The following ACOX3 variants were observed in gnomAD, a reference collection of about 807,000 sequenced individuals.
ACOX3 encodes acyl-CoA oxidase 3, pristanoyl, also known as peroxisomal acyl-coenzyme A oxidase 3.
Under a neutral mutation model 81.5 loss-of-function variants are expected in ACOX3, and 73 were observed. That is an observed-to-expected ratio of 0.90 (90% CI 0.74 to 1.09). The LOEUF (loss-of-function observed/expected upper bound fraction) is 1.09. ACOX3 is among the 50% of genes least tolerant of loss of function. The pLI is 0.00. For missense variants in ACOX3, 947 were observed against 928.0 expected (o/e 1.02, Z -0.27); for synonymous variants, 387 against 375.1 (o/e 1.03, Z -0.37).
chr4:8,377,124 C>T (rs1008801731), intron 14 of ACOX3, among the ~76,000 whole-genome samples: 14 of 152,302 alleles, frequency 9.2e-5, no homozygotes, highest in East Asian at 3.9e-4. Flanking sequence ...CACCCCAAAA[C>T]GTGCTCCCAC....
intron 5 of ACOX3, among the ~76,000 whole-genome samples, chr4:8,411,675 C>T (rs1721743420): frequency 6.6e-6 from 1 of 152,268 alleles, no homozygotes; most frequent in Non-Finnish European, 1.5e-5. Context: ...ACTGTCTCGA[C>T]TGTCTGGCTG....
chr4:8,369,464 C>T (rs529830535), intron 17 of ACOX3, among the ~76,000 whole-genome samples: 9 of 152,332 alleles, frequency 5.9e-5, no homozygotes, highest in African/African-American at 9.6e-5. Flanking sequence ...CTCTCAGCGG[C>T]AGTCATCATC....
chr4:8,410,118 C>T, intron 6 of ACOX3, 94 bp downstream of exon 6: 1 of 1,465,970 alleles, frequency 6.8e-7, no homozygotes, highest in South Asian at 1.3e-5. Context: ...CAGAAGCATG[C>T]CCCACCCTTG....
At position 8,366,786 on chromosome 4, in the gene ACOX3, G is replaced by T; in HGVS notation, c.*175C>A. 2 of 757,290 alleles carry T rather than the reference G, an allele frequency of 2.6e-6. No homozygotes were observed. Among genetic ancestry groups the T allele is most frequent in the South Asian group, 2.1e-5 (1 of 48,092 alleles). The allele number at this position is 757,290 out of a possible 1,614,324, so 46.9% of individuals were successfully genotyped here. ...CGATCCCAGATTAGTCCAGCCGGCC[G>T]GGTGCCTCCCTCCCGTCCGCCTGGG... On this transcript the variant is annotated 3_prime_UTR_variant, in exon 18 of 18. Transcript: ENST00000356406.
At chr4:8,375,186 G>C (rs1233906189) in intron 14 of ACOX3, 34 bp from the exon 15 acceptor site, 3 of 1,505,242 alleles carry the variant, frequency 2.0e-6, no homozygotes, top group Admixed American at 2.2e-5. Flanking sequence ...AGGACCGTGA[G>C]GGTCCCAGCC....
chr4:8,388,439 G>A (rs573463966), intron 13 of ACOX3, among the ~76,000 whole-genome samples: 5 of 152,372 alleles, frequency 3.3e-5, no homozygotes, highest in African/African-American at 4.8e-5. Context: ...GCTGCTCTCC[G>A]GAGAGGGATC....
At chr4:8,365,858 C>G (rs145506114), downstream of ACOX3, among the ~76,000 whole-genome samples, 1 of 152,138 alleles carries the variant, frequency 6.6e-6, no homozygotes, top group Non-Finnish European at 1.5e-5. Flanking sequence ...GCCCTTCAGA[C>G]GCTCAAAAGT....
intron 1 of ACOX3, 54 bp downstream of exon 1, chr4:8,440,594 T>C (rs1724566839): frequency 4.0e-6 from 2 of 498,960 alleles, no homozygotes; most frequent in Non-Finnish European, 6.7e-6. Context: ...TCTGTAACTA[T>C]ACCACGCCCA....
At chr4:8,402,993 T>G (rs940106673) in intron 7 of ACOX3, among the ~76,000 whole-genome samples, 6 of 152,132 alleles carry the variant, frequency 3.9e-5, no homozygotes, top group African/African-American at 1.4e-4. Flanking sequence ...AGCCACCGCC[T>G]CAGCTCAGGG....
At chr4:8,426,878 A>G (rs1424979632) in intron 1 of ACOX3, among the ~76,000 whole-genome samples, 1 of 152,148 alleles carries the variant, frequency 6.6e-6, no homozygotes, top group Admixed American at 6.5e-5. Context: ...CCATGCTCCG[A>G]TGTTGATGAC....
In ACOX3 at chr4:8,400,078, C is replaced by T. The variant is rs1720203516; in HGVS notation, c.777-426G>A. On this transcript the variant is annotated intron_variant, in intron 7 of 17. Coordinates refer to ENST00000356406, the MANE Select transcript of ACOX3 (RefSeq NM_003501.3). This position sits in a 1 kb window ranked among gnomAD's most constrained non-coding sequence, Gnocchi z 4.4. ...CCTGACCAATATGGTGAAACCCCGTCTCTACTAAAAATACAAAAAAAAATT... is the reference window on the plus strand; with the variant it reads ...CCTGACCAATATGGTGAAACCCCGTTTCTACTAAAAATACAAAAAAAAATT... 1.3e-5 allele frequency among the ~76,000 whole-genome samples: 2 copies of T among 152,162 alleles called. No homozygotes were observed. Among genetic ancestry groups the T allele is most frequent in the South Asian group, 2.1e-4 (1 of 4,814 alleles).
Position 8,386,036 on chromosome 4 carries a change from G to A in ACOX3, c.1537+3137C>T, listed in dbSNP as rs1405748769. On this transcript the variant is annotated intron_variant, in intron 13 of 17. Transcript: ENST00000356406. This position sits in a 1 kb window ranked among gnomAD's most constrained non-coding sequence, Gnocchi z 5.2. ...CAGTTGCAGAAAAGCAGATGACTTT[G>A]GTGTCTTTCCTGATGATGGAGAGAC... Among the ~76,000 whole-genome samples the A allele has an allele frequency of 6.6e-6, 1 of 152,194 alleles. No individual in the cohort carries two copies. The highest frequency in any genetic ancestry group is 1.5e-5 in the Non-Finnish European group (1 of 68,042).
intron 5 of ACOX3, among the ~76,000 whole-genome samples, chr4:8,411,971 C>T (rs1315736032): frequency 6.6e-6 from 1 of 152,210 alleles, no homozygotes; most frequent in Non-Finnish European, 1.5e-5. Context: ...ACTCTGACCT[C>T]CACTTAGGGA....
In ACOX3 at chr4:8,384,429, C is replaced by G. The variant is rs1718050853; in HGVS notation, c.1538-2822G>C. Reference sequence around the variant, plus strand: ...AACAAACTAGGCAGGAAAACGGGCACTGACGGGCAGTGAATTCTCTTGCTC... The same window carrying G: ...AACAAACTAGGCAGGAAAACGGGCAGTGACGGGCAGTGAATTCTCTTGCTC... On this transcript the variant is annotated intron_variant, in intron 13 of 17. Coordinates refer to ENST00000356406, the MANE Select transcript of ACOX3 (RefSeq NM_003501.3). The surrounding 1 kb of genome is among the most constrained non-coding windows in gnomAD (Gnocchi z 5.3). 6.6e-6 allele frequency among the ~76,000 whole-genome samples: 1 copy of G among 152,198 alleles called. No homozygotes were observed.
chr4:8,421,003 AGG>A (rs1167149326), intron 1 of ACOX3, among the ~76,000 whole-genome samples: 5 of 152,224 alleles, frequency 3.3e-5, no homozygotes, highest in African/African-American at 1.2e-4. Context: ...GCATGGCCCA[AGG>A]TTCCATTCCT....
At chr4:8,396,438 A>G (rs1447353173) in intron 9 of ACOX3, among the ~76,000 whole-genome samples, 2 of 152,134 alleles carry the variant, frequency 1.3e-5, no homozygotes, top group Non-Finnish European at 2.9e-5. Flanking sequence ...GCACTTTGGG[A>G]GGCTGAGGCA....
At chr4:8,358,502 G>C in the ACOX3 span, among the ~76,000 whole-genome samples, 72 of 152,124 alleles carry the variant, frequency 4.7e-4, no homozygotes, top group African/African-American at 1.7e-3. Context: ...TTGAATATGA[G>C]CTGGGTAAAA....
At chr4:8,435,645 G>A (rs1724195201) in intron 1 of ACOX3, among the ~76,000 whole-genome samples, 1 of 152,188 alleles carries the variant, frequency 6.6e-6, no homozygotes, top group Non-Finnish European at 1.5e-5. Flanking sequence ...CCTTTATATT[G>A]ATTCATGGTT....
rs78470057 is a variant in ACOX3, at chr4:8,419,720, C to T, written c.-14-3185G>A. Among the ~76,000 whole-genome samples, 4,866 of 152,252 alleles carry T rather than the reference C, an allele frequency of 0.032. 89 individuals are homozygous for T. Among genetic ancestry groups the T allele is most frequent in the African/African-American group, 0.044 (1,817 of 41,538 alleles). ...ACTCGTGAGCTCATTTGGCAGTCAACGGCAATTCCCCACCTCTCATGTTCT... is the reference window on the plus strand; with the variant it reads ...ACTCGTGAGCTCATTTGGCAGTCAATGGCAATTCCCCACCTCTCATGTTCT... On this transcript the variant is annotated intron_variant, in intron 1 of 17. Coordinates refer to ENST00000356406, the MANE Select transcript of ACOX3 (RefSeq NM_003501.3). The surrounding 1 kb of genome is among the most constrained non-coding windows in gnomAD (Gnocchi z 4.2).
Sources: gnomAD v4.1 joint callset for allele counts (sites outside exome capture counted in the v4.1 genomes callset) on GRCh38, gnomAD v4.1.1 for gene constraint, Gnocchi (gnomAD v3.1) non-coding constraint, MANE v1.5 for transcripts, NCBI Gene and HGNC (gene_info 2026-07-23, HGNC 2026-07-21) for gene names.